Variants in KMT2E observed in about 807,000 individuals in gnomAD.
KMT2E encodes histone reader KMT2E.
KMT2E carries 30 observed loss-of-function variants against 184.6 expected under a neutral mutation model. The ratio of observed to expected loss-of-function variants is 0.16; its 90% CI spans 0.12 to 0.22. KMT2E has a LOEUF of 0.22. Ranked by LOEUF, KMT2E falls within the 10% of genes least tolerant of loss-of-function variation. The probability of loss-of-function intolerance (pLI) is 1.00; values close to 1 mark genes in which losing one functional copy is unlikely to be tolerated. For missense variants in KMT2E, 2,023 were observed against 2,237.4 expected (o/e 0.90, Z 1.93); for synonymous variants, 815 against 776.5 (o/e 1.05, Z -0.82).
intron 13 of KMT2E, chr7:105,089,227 C>G (rs762667731): frequency 2.5e-6 from 1 of 403,568 alleles, no homozygotes; most frequent in Admixed American, 3.0e-5. Context: ...TGGATGCAGT[C>G]TCACTCTGTC....
intron 1 of KMT2E, among the ~76,000 whole-genome samples, chr7:105,029,345 A>G (rs2129564451): frequency 6.6e-6 from 1 of 152,382 alleles, no homozygotes; most frequent in Non-Finnish European, 1.5e-5. Flanking sequence ...CCAAGAACCT[A>G]GAGCAGTATC....
intron 6 of KMT2E, among the ~76,000 whole-genome samples, chr7:105,067,072 A>AG (rs1258000395): frequency 6.7e-6 from 1 of 149,340 alleles, no homozygotes; most frequent in Non-Finnish European, 1.5e-5. Flanking sequence ...TTTTTAAAAA[A>AG]AAAAAAAAAA....
chr7:105,104,269 T>C (rs1339907836), intron 17 of KMT2E: 3 of 152,184 alleles, frequency 2.0e-5, no homozygotes, highest in Non-Finnish European at 4.4e-5. Flanking sequence ...AGAGACTGTA[T>C]TATGTATGTT....
intron 26 of KMT2E, 49 bp downstream of exon 26, chr7:105,110,917 G>T: frequency 7.8e-7 from 1 of 1,287,470 alleles, no homozygotes; most frequent in South Asian, 1.2e-5. Context: ...TAGGTTGAGT[G>T]CAGAAAAGCT....
chr7:105,089,170 T>C, intron 13 of KMT2E: 1 of 358,092 alleles, frequency 2.8e-6, no homozygotes, highest in East Asian at 1.0e-4. Context: ...GCATCCCTCA[T>C]GCAAAAATCT....
chr7:105,095,916 G>A (rs1020099726), intron 15 of KMT2E, among the ~76,000 whole-genome samples: 2 of 152,150 alleles, frequency 1.3e-5, no homozygotes, highest in Non-Finnish European at 2.9e-5. Context: ...GTAGCTTAAA[G>A]TGATCATTTT....
At chr7:105,107,121 TA>T (rs1798935582) in intron 20 of KMT2E, 44 bp from the exon 21 acceptor site, 2 of 990,194 alleles carry the variant, frequency 2.0e-6, no homozygotes, top group Non-Finnish European at 3.0e-6. Context: ...TGGATATACT[TA>T]CGTATTTTTA....
rs890107313 is a variant in KMT2E at position 105,114,461 on chromosome 7, C to T, written c.*1128C>T. The T allele has an allele frequency of 6.6e-6, 1 of 152,132 alleles. No homozygotes were observed. Among genetic ancestry groups the T allele is most frequent in the Non-Finnish European group, 1.5e-5 (1 of 68,018 alleles). 9.4% of individuals were successfully genotyped at this position (152,132 alleles called of 1,614,324 possible). A position where few individuals can be genotyped will look rare whatever the true frequency, so the allele number is the denominator to read the frequency against. ...GAAAAAAGGCATTATTCCTAGATCT[C>T]TCAGTGAAATGAAAATGGCCTCTTA... On this transcript the variant is annotated 3_prime_UTR_variant, in exon 27 of 27. Transcript: ENST00000311117.
rs1490089003 is a variant in KMT2E at position 105,105,420 on chromosome 7, AT to A, written c.2197-12del. On this transcript the variant is annotated intron_variant, in intron 17 of 26. Transcript: ENST00000311117. ...TTGGAATTACATATATAATGATCCA[AT>A]TTTTTTCTTTTCTCTAGCACTTGGT... 4 of 1,548,932 alleles carry A rather than the reference AT, an allele frequency of 2.6e-6. No individual in the cohort carries two copies. In the African/African-American group the frequency reaches 4.2e-5, roughly 16 times the overall value.
At position 105,107,663 on chromosome 7, in the gene KMT2E, A is replaced by G. The variant is rs375543311; in HGVS notation, c.3206A>G (p.Lys1069Arg). Residue 1069 changes from lysine (K) to arginine (R), a missense_variant, in exon 22 of 27, where the codon AAG becomes AGG. Lys to Arg is a conservative substitution (Grantham distance 26, BLOSUM62 2). Transcript: ENST00000311117. ...GGCACAATGTATTCTTCCTGGGTAA[A>G]GAGCCCTGACAGAACAGGAGTTAAC... ...GRGTMYSSWV[K>R]SPDRTGVNFS... The G allele has an allele frequency of 1.2e-6, 2 of 1,614,068 alleles. No individual in the cohort carries two copies. The highest frequency in any genetic ancestry group is 2.7e-5 in the African/African-American group (2 of 74,942).
chr7:105,017,583 G>C (rs1170686822), intron 1 of KMT2E, among the ~76,000 whole-genome samples: 3 of 151,652 alleles, frequency 2.0e-5, no homozygotes, highest in African/African-American at 7.3e-5. Flanking sequence ...TTTAAGTTAG[G>C]ATTGTCTAGG....
intron 1 of KMT2E, among the ~76,000 whole-genome samples, chr7:105,027,331 C>T (rs1003081948): frequency 2.4e-4 from 36 of 152,072 alleles, no homozygotes; most frequent in Admixed American, 8.5e-4. Flanking sequence ...TCAAACAGTC[C>T]TCCCACCTCA....
chr7:105,047,130 G>A (rs1796140349), intron 3 of KMT2E, among the ~76,000 whole-genome samples: 1 of 152,246 alleles, frequency 6.6e-6, no homozygotes. Context: ...GACAACACAT[G>A]TGAAATGTTG....
intron 22 of KMT2E, among the ~76,000 whole-genome samples, chr7:105,108,131 A>G (rs1798994859): frequency 1.3e-5 from 2 of 152,158 alleles, no homozygotes; most frequent in Non-Finnish European, 2.9e-5. Context: ...TAATATGGGA[A>G]ATCCTTGTAA....
intron 1 of KMT2E, among the ~76,000 whole-genome samples, chr7:105,023,022 G>A (rs930823284): frequency 6.6e-6 from 1 of 152,128 alleles, no homozygotes; most frequent in East Asian, 1.9e-4. Context: ...CCTGGATGCT[G>A]ATCTAATTTG....
At chr7:105,052,866 C>T (rs1796405374) in intron 3 of KMT2E, among the ~76,000 whole-genome samples, 1 of 152,074 alleles carries the variant, frequency 6.6e-6, no homozygotes, top group Non-Finnish European at 1.5e-5. Context: ...AGGCATGAGC[C>T]ACTGCACCCA....
chr7:105,108,323 A>G (rs1799001914), intron 22 of KMT2E, among the ~76,000 whole-genome samples: 1 of 152,194 alleles, frequency 6.6e-6, no homozygotes, highest in East Asian at 1.9e-4. Context: ...TAATATCTAT[A>G]GTATTTAGGC....
At chr7:105,074,589 T>G (rs1797452938) in intron 7 of KMT2E, 54 bp from the exon 8 acceptor site, 1 of 1,273,162 alleles carries the variant, frequency 7.9e-7, no homozygotes, top group South Asian at 2.0e-5. Context: ...CTGTTTTATT[T>G]CATTGTTTAA....
intron 15 of KMT2E, among the ~76,000 whole-genome samples, chr7:105,100,273 CAACAAA>C (rs1235006152): frequency 4.6e-5 from 7 of 152,074 alleles, no homozygotes; most frequent in Admixed American, 3.9e-4. Flanking sequence ...GTAACAACAA[CAACAAA>C]AATACAGGAA....
Sources: allele counts gnomAD v4.1 joint callset (sites outside exome capture counted in the v4.1 genomes callset), GRCh38; gene constraint gnomAD v4.1.1; transcripts MANE v1.5; gene names NCBI Gene and HGNC (gene_info 2026-07-23, HGNC 2026-07-21).